KLRG1: variants seen among roughly 807,000 people sequenced by gnomAD.
The protein encoded by KLRG1 is killer cell lectin like receptor G1.
In KLRG1, 16 loss-of-function variants were observed where a neutral mutation model predicts 21.8. The ratio of observed to expected loss-of-function variants is 0.73; its 90% CI spans 0.50 to 1.11. The LOEUF is 1.11. Among genes scored for constraint, KLRG1 ranks in the 50% most tolerant of loss-of-function variants. The pLI, the probability that KLRG1 is intolerant of heterozygous loss-of-function variation, is 0.00. For missense variants in KLRG1, 173 were observed against 218.3 expected (o/e 0.79, Z 1.31); for synonymous variants, 69 against 75.9 (o/e 0.91, Z 0.47).
the KLRG1 span, chr12:9,152,841 C>A: frequency 6.2e-7 from 1 of 1,614,080 alleles, no homozygotes; most frequent in Non-Finnish European, 8.5e-7. Context: ...TCAGTGAGAT[C>A]TGAAAGCTGG....
In KLRG1 at chr12:9,010,056, T is replaced by G. The variant is rs1947598134; in HGVS notation, c.*519T>G. 1 of 1,521,436 alleles carries G rather than the reference T, an allele frequency of 6.6e-7. No individual in the cohort carries two copies. The highest frequency in any genetic ancestry group is 2.0e-5 in the Admixed American group (1 of 50,912). The allele number at this position is 1,521,436 out of a possible 1,614,324, so 94.2% of individuals were successfully genotyped here. A position where few individuals can be genotyped will look rare whatever the true frequency, so the allele number is the denominator to read the frequency against. ...AATAAACCTAGCTGGCATGCTGGTG[T>G]GTACCTGTAGTCCTAGCTATTTGGG... On this transcript the variant is annotated 3_prime_UTR_variant, in exon 5 of 5. Coordinates refer to ENST00000356986, the MANE Select transcript of KLRG1 (RefSeq NM_005810.4).
At chr12:9,201,450 G>A in the KLRG1 span, 1 of 873,480 alleles carries the variant, frequency 1.1e-6, no homozygotes, top group Non-Finnish European at 1.8e-6. Context: ...ATTATCTGTA[G>A]CTAAATTCAA....
At chr12:9,058,155 A>G in the KLRG1 span, 6 of 152,306 alleles carry the variant, frequency 3.9e-5, no homozygotes, top group East Asian at 1.2e-3. Context: ...TTACACTGTG[A>G]TACGACTGAC....
intron 2 of KLRG1, among the ~76,000 whole-genome samples, chr12:8,993,351 T>G (rs903167298): frequency 6.6e-6 from 1 of 152,134 alleles, no homozygotes; most frequent in Non-Finnish European, 1.5e-5. Context: ...TGCAATGGCG[T>G]GATCTCGGCT....
the KLRG1 span, among the ~76,000 whole-genome samples, chr12:9,102,342 G>T: frequency 1.3e-5 from 2 of 152,126 alleles, no homozygotes; most frequent in Admixed American, 6.5e-5. Flanking sequence ...AGCCTCCTGA[G>T]TTGCTAGGAC....
At chr12:9,009,119 A>G (rs1232556267) in intron 4 of KLRG1, 44 bp downstream of exon 4, 1 of 1,451,050 alleles carries the variant, frequency 6.9e-7, no homozygotes, top group Non-Finnish European at 9.6e-7. Flanking sequence ...GAGAGGAAAA[A>G]GGAAAGCCAA....
the KLRG1 span, chr12:9,093,409 T>C: frequency 7.3e-6 from 9 of 1,226,734 alleles, no homozygotes; most frequent in South Asian, 9.9e-5. Flanking sequence ...AGCAAAGAGT[T>C]GAAAATAGTC....
the KLRG1 span, among the ~76,000 whole-genome samples, chr12:9,053,843 A>G: frequency 6.6e-6 from 1 of 152,186 alleles, no homozygotes; most frequent in African/African-American, 2.4e-5. Flanking sequence ...TAATGAAACT[A>G]CTGACATCAA....
At chr12:9,036,997 C>T in the KLRG1 span, 5 of 193,508 alleles carry the variant, frequency 2.6e-5, no homozygotes, top group Admixed American at 6.2e-5. Context: ...TTCAGTAAAC[C>T]TTGCTCGGAC....
At chr12:9,027,555 C>A in the KLRG1 span, 1 of 1,065,686 alleles carries the variant, frequency 9.4e-7, no homozygotes. Flanking sequence ...GCCATAGCTG[C>A]TGCTGCTACT....
chr12:9,008,870 C>T (rs1947555378), intron 3 of KLRG1, 105 bp from the exon 4 acceptor site: 1 of 728,928 alleles, frequency 1.4e-6, no homozygotes, highest in South Asian at 1.8e-5. Flanking sequence ...GCTAGTTTGT[C>T]TTTTAATTAA....
chr12:9,123,951 G>A, the KLRG1 span, among the ~76,000 whole-genome samples: 1 of 150,170 alleles, frequency 6.7e-6, no homozygotes, highest in African/African-American at 2.5e-5. Context: ...GGACTCAGCT[G>A]CCGCCCTTAA....
the KLRG1 span, among the ~76,000 whole-genome samples, chr12:9,107,116 C>T: frequency 2.0e-5 from 3 of 152,156 alleles, no homozygotes; most frequent in African/African-American, 7.2e-5. Flanking sequence ...TAATATTCAG[C>T]TGTGGCTGGG....
chr12:9,016,094 A>G, the KLRG1 span, among the ~76,000 whole-genome samples: 34 of 152,190 alleles, frequency 2.2e-4, no homozygotes. Context: ...ATGCGTCTTA[A>G]AGAACTAGAA....
At chr12:9,138,279 AT>A in the KLRG1 span, among the ~76,000 whole-genome samples, 101 of 151,586 alleles carry the variant, frequency 6.7e-4, 1 homozygote, top group South Asian at 3.5e-3. Context: ...TAATTATGTG[AT>A]TTTTTTTCCC....
the KLRG1 span, chr12:9,104,330 T>A: frequency 6.2e-7 from 1 of 1,610,500 alleles, no homozygotes. Flanking sequence ...GGAGTAATAG[T>A]TTGCTTCATT....
the KLRG1 span, among the ~76,000 whole-genome samples, chr12:9,100,917 G>A: frequency 6.6e-6 from 1 of 152,090 alleles, no homozygotes; most frequent in African/African-American, 2.4e-5. Flanking sequence ...GTGGAAGGGG[G>A]TGAGGGATAA....
At chr12:9,089,947 A>G in the KLRG1 span, 26 of 1,612,580 alleles carry the variant, frequency 1.6e-5, no homozygotes, top group African/African-American at 2.7e-5. Context: ...TTCCGTGTTC[A>G]GGAACTGAAG....
the KLRG1 span, chr12:9,166,131 C>CA: frequency 6.2e-7 from 1 of 1,614,002 alleles, no homozygotes; most frequent in Non-Finnish European, 8.5e-7. Flanking sequence ...GAACTTTGTT[C>CA]ATTATTTAAG....
Sources: allele counts gnomAD v4.1 joint callset (sites outside exome capture counted in the v4.1 genomes callset), GRCh38; gene constraint gnomAD v4.1.1; transcripts MANE v1.5; gene names NCBI Gene and HGNC (gene_info 2026-07-23, HGNC 2026-07-21).